ATAD3A: variants seen among roughly 807,000 people sequenced by gnomAD.
ATAD3A encodes ATPase family AAA domain containing 3A.
A neutral mutation model predicts 73.8 loss-of-function variants in ATAD3A; 46 were observed. That is an observed-to-expected ratio of 0.62 (90% CI 0.49 to 0.80). The LOEUF (loss-of-function observed/expected upper bound fraction) is 0.80, where lower values mean the gene tolerates loss of function less well. Among genes scored for constraint, ATAD3A ranks in the 30% least tolerant of loss-of-function variants. The pLI, the probability that ATAD3A is intolerant of heterozygous loss-of-function variation, is 0.00. For missense variants in ATAD3A, 705 were observed against 838.0 expected (o/e 0.84, Z 1.96); for synonymous variants, 319 against 350.0 (o/e 0.91, Z 0.99).
At chr1:1,529,123 G>A in intron 14 of ATAD3A, 100 bp from the exon 15 acceptor site, 2 of 1,527,012 alleles carry the variant, frequency 1.3e-6, no homozygotes, top group Non-Finnish European at 1.8e-6. Context: ...CAAAGAGGAT[G>A]TTTGGCGTGG....
chr1:1,527,795 G>A lies in ATAD3A; in HGVS notation c.1438G>A (p.Glu480Lys). ...CCACTTCGACCTGCCAGGGCAGGAG[G>A]AACGGGAGCGCCTGGTGAGAATGTA... ...MVHFDLPGQE[E>K]RERLVRMYFD... Residue 480 changes from glutamate to lysine, a missense_variant, in exon 14 of 16, where the codon GAA becomes AAA. By Grantham distance (56) the Glu-to-Lys change is moderately conservative (BLOSUM62 1). This residue lies in a region of ATAD3A where 252 missense variants were observed against 278.5 expected (regional missense o/e 0.90). Transcript: ENST00000378756. 1 of 1,614,028 alleles carries A rather than the reference G, an allele frequency of 6.2e-7. No individual in the cohort carries two copies. Among genetic ancestry groups the A allele is most frequent in the Non-Finnish European group, 8.5e-7 (1 of 1,179,970 alleles).
rs900016381 is a variant in ATAD3A, at chr1:1,526,356, G to A, written c.1267-105G>A. On this transcript the variant is annotated intron_variant, in intron 12 of 15. Transcript: ENST00000378756. The stretch of plus-strand genomic sequence containing the variant: ...TTGAGAGTAGATCCATGAAAGTGTC[G>A]CCATGTCCCTGCTCCCTGCAGGAGG... 4.9e-5 allele frequency: 76 copies of A among 1,564,452 alleles called. No homozygotes were observed. The African/African-American group carries it at 6.6e-4, about 14-fold the overall frequency.
At chr1:1,522,262 A>T (rs1227195207) in intron 7 of ATAD3A, among the ~76,000 whole-genome samples, 1 of 151,892 alleles carries the variant, frequency 6.6e-6, no homozygotes, top group Non-Finnish European at 1.5e-5. Flanking sequence ...GCTGGTCTTG[A>T]ACTCTTGACC....
chr1:1,527,581 C>T, intron 13 of ATAD3A, 114 bp from the exon 14 acceptor site: 1 of 1,359,850 alleles, frequency 7.4e-7, no homozygotes, highest in East Asian at 2.5e-5. Flanking sequence ...GTGCCCGTGT[C>T]CTCGTGTTTC....
chr1:1,527,873 C>T lies in ATAD3A; in HGVS notation c.1505+11C>T, dbSNP rs373347462. ...CACAGAAGGAAAGCAGTAAGTGTCCCGCCCCACCAGCCCCCGTCCAGGGGC... is the reference window on the plus strand; with the variant it reads ...CACAGAAGGAAAGCAGTAAGTGTCCTGCCCCACCAGCCCCCGTCCAGGGGC... On this transcript the variant is annotated intron_variant, in intron 14 of 15. Coordinates refer to ENST00000378756, the MANE Select transcript of ATAD3A (RefSeq NM_001170535.3). 1.9e-4 allele frequency: 298 copies of T among 1,608,312 alleles called. No individual in the cohort carries two copies. Among genetic ancestry groups the T allele is most frequent in the Non-Finnish European group, 2.3e-4 (271 of 1,176,638 alleles).
At chr1:1,532,839 T>C (rs1314856060) in intron 15 of ATAD3A, among the ~76,000 whole-genome samples, 8 of 149,466 alleles carry the variant, frequency 5.4e-5, no homozygotes, top group African/African-American at 2.0e-4. Flanking sequence ...CCCAGGCCCC[T>C]GACCCACAGT....
Position 1,524,286 on chromosome 1 carries a change from A to G in ATAD3A, c.1103A>G (p.His368Arg). The change falls in exon 11 of 16, where the codon CAC becomes CGC. Residue 368 changes from histidine (H) to arginine (R), a missense_variant. Physicochemically the swap from His to Arg is conservative, Grantham distance 29. Transcript: ENST00000378756. ...KTLFAKKLALHSGMDYAIMTG... is the reference protein window; with the variant it reads ...KTLFAKKLALRSGMDYAIMTG... ...CTTCCTGTCCAGAAACTCGCCCTGCACTCAGGCATGGACTACGCCATCATG... is the reference window on the plus strand; with the variant it reads ...CTTCCTGTCCAGAAACTCGCCCTGCGCTCAGGCATGGACTACGCCATCATG... The G allele has an allele frequency of 6.2e-7, 1 of 1,613,780 alleles. No homozygotes were observed. Among genetic ancestry groups the G allele is most frequent in the Non-Finnish European group, 8.5e-7 (1 of 1,179,800 alleles).
chr1:1,521,935 G>T (rs1344099167), intron 7 of ATAD3A, among the ~76,000 whole-genome samples: 1 of 152,164 alleles, frequency 6.6e-6, no homozygotes, highest in Non-Finnish European at 1.5e-5. Context: ...CACCATGTTG[G>T]CCAGGCTGGT....
chr1:1,528,005 G>C (rs1487267208), intron 14 of ATAD3A, 143 bp downstream of exon 14: 7 of 1,090,696 alleles, frequency 6.4e-6, no homozygotes, highest in African/African-American at 1.6e-5. Context: ...TGTCGCCCAG[G>C]CTGGAGTGCA....
chr1:1,518,711 C>T (rs2100653484), intron 4 of ATAD3A, among the ~76,000 whole-genome samples: 1 of 145,272 alleles, frequency 6.9e-6, no homozygotes, highest in Admixed American at 6.9e-5. Context: ...GCACAACCCA[C>T]CCACACATGG....
chr1:1,521,231 G>A (rs1318729245), intron 7 of ATAD3A, among the ~76,000 whole-genome samples: 2 of 146,284 alleles, frequency 1.4e-5, no homozygotes, highest in South Asian at 2.2e-4. Context: ...CCCGGGAGGC[G>A]GAGCTTGCAG....
Position 1,527,797 on chromosome 1 carries a change from A to T in ATAD3A, c.1440A>T (p.Glu480Asp). 1 of 1,614,032 alleles carries T rather than the reference A, an allele frequency of 6.2e-7. No homozygotes were observed. Among genetic ancestry groups the T allele is most frequent in the Non-Finnish European group, 8.5e-7 (1 of 1,179,972 alleles). ...MVHFDLPGQE[E>D]RERLVRMYFD... ...ACTTCGACCTGCCAGGGCAGGAGGA[A>T]CGGGAGCGCCTGGTGAGAATGTATT... The change falls in exon 14 of 16, where the codon GAA (glutamate) becomes GAT (aspartate). Residue 480 changes from glutamate to aspartate, a missense_variant. Physicochemically the swap from Glu to Asp is conservative, Grantham distance 45 (BLOSUM62 2). Around this residue, in one of 5 missense-constraint regions of ATAD3A, gnomAD observed 252 missense variants for 278.5 expected, o/e 0.90. Transcript: ENST00000378756.
At chr1:1,521,465 G>A (rs373769915) in intron 7 of ATAD3A, among the ~76,000 whole-genome samples, 81 of 152,238 alleles carry the variant, frequency 5.3e-4, no homozygotes, top group African/African-American at 1.9e-3. Context: ...TGCTGTGGTG[G>A]CGCCCCACGT....
In ATAD3A at chr1:1,523,684, C is replaced by G; in HGVS notation, c.963+117C>G. ...CCAGGAGCTTTTGGGTCCTGAGATG[C>G]GACTGCTTGGACCGTGCTGGGGATA... On this transcript the variant is annotated intron_variant, in intron 9 of 15. Coordinates refer to ENST00000378756, the MANE Select transcript of ATAD3A (RefSeq NM_001170535.3). The surrounding 1 kb of genome is among the most constrained non-coding windows in gnomAD (Gnocchi z 5.1). 1.9e-6 allele frequency: 3 copies of G among 1,590,876 alleles called. No homozygotes were observed. Among genetic ancestry groups the G allele is most frequent in the Non-Finnish European group, 2.6e-6 (3 of 1,166,822 alleles).
chr1:1,526,447 C>A lies in ATAD3A; in HGVS notation c.1267-14C>A, dbSNP rs778297273. 24 of 1,606,966 alleles carry A rather than the reference C, an allele frequency of 1.5e-5. 1 individual carries two copies. In the South Asian group the frequency reaches 2.1e-4, roughly 14 times the overall value. ...TTGCTCCTGGTGCCTAAGGCTGGAACCTTCTCTCTGCAGGAGAAGATAAGC... is the reference window on the plus strand; with the variant it reads ...TTGCTCCTGGTGCCTAAGGCTGGAAACTTCTCTCTGCAGGAGAAGATAAGC... On this transcript the variant is annotated splice_polypyrimidine_tract_variant and intron_variant, in intron 12 of 15. Transcript: ENST00000378756.
rs1187427443 is a variant in ATAD3A, at chr1:1,528,795, C to A, written c.1506-428C>A. 2.0e-5 allele frequency among the ~76,000 whole-genome samples: 3 copies of A among 152,364 alleles called. No individual in the cohort carries two copies. The East Asian group carries it at 5.8e-4, about 29-fold the overall frequency. ...GCCGCTGCCGCCTGCTCCATGCCAG[C>A]CCAGCTTTCCGGGCCTCAGTTTCCC... On this transcript the variant is annotated intron_variant, in intron 14 of 15. Transcript: ENST00000378756.
At chr1:1,526,268 G>A (rs1193510302) in intron 12 of ATAD3A, among the ~76,000 whole-genome samples, 193 bp from the exon 13 acceptor site, 7 of 152,036 alleles carry the variant, frequency 4.6e-5, no homozygotes, top group East Asian at 1.9e-4. Context: ...TGATCTGCCC[G>A]CCTCAGCCTC....
chr1:1,514,508 C>T (rs1317730602), intron 1 of ATAD3A, among the ~76,000 whole-genome samples: 1 of 152,212 alleles, frequency 6.6e-6, no homozygotes, highest in Non-Finnish European at 1.5e-5. Context: ...GCTCTGTTCA[C>T]TGGGGCCCCC....
In ATAD3A at chr1:1,524,287, C is replaced by T; in HGVS notation, c.1104C>T (p.His368=). 4 of 1,613,920 alleles carry T rather than the reference C, an allele frequency of 2.5e-6. No individual in the cohort carries two copies. The highest frequency in any genetic ancestry group is 3.4e-6 in the Non-Finnish European group (4 of 1,179,846). The change falls in exon 11 of 16, where the codon CAC becomes CAT. Residue 368 remains histidine (H), a synonymous_variant. Coordinates refer to ENST00000378756, the MANE Select transcript of ATAD3A (RefSeq NM_001170535.3). The stretch of plus-strand genomic sequence containing the variant: ...TTCCTGTCCAGAAACTCGCCCTGCA[C>T]TCAGGCATGGACTACGCCATCATGA... ...KTLFAKKLAL[H]SGMDYAIMTG...
Sources: allele counts gnomAD v4.1 joint callset (sites outside exome capture counted in the v4.1 genomes callset), GRCh38; gene constraint gnomAD v4.1.1; regional missense constraint gnomAD v4.1.1; non-coding constraint Gnocchi (gnomAD v3.1); transcripts MANE v1.5; gene names NCBI Gene and HGNC (gene_info 2026-07-23, HGNC 2026-07-21).